The following P2RX3 variants were observed in gnomAD, a reference collection of about 807,000 sequenced individuals.
P2RX3 encodes the protein P2X purinoceptor 3.
Under a neutral mutation model 51.5 loss-of-function variants are expected in P2RX3, and 41 were observed. That is an observed-to-expected ratio of 0.80 (90% CI 0.62 to 1.03). P2RX3 has a LOEUF of 1.03. P2RX3 is among the 50% of genes least tolerant of loss of function. P2RX3 has a pLI of 0.00. For synonymous variants in P2RX3, 185 were observed against 191.6 expected, an observed-to-expected ratio of 0.97 and a Z score of 0.29; for missense variants, 459 against 522.1, an observed-to-expected ratio of 0.88 and a Z score of 1.18.
chr11:57,344,821 G>A (rs538365737), intron 1 of P2RX3, among the ~76,000 whole-genome samples: 5 of 152,180 alleles, frequency 3.3e-5, no homozygotes, highest in Non-Finnish European at 7.4e-5. Context: ...ACTGAAAACC[G>A]AACGAAGAGC....
At chr11:57,360,806 AG>A (rs200712317) in intron 8 of P2RX3, among the ~76,000 whole-genome samples, 211 of 147,440 alleles carry the variant, frequency 1.4e-3, no homozygotes, top group African/African-American at 4.6e-3. Context: ...AAAAAAAAAA[AG>A]AAAAAAAGAA....
At chr11:57,353,291 C>T (rs569935578) in intron 8 of P2RX3, among the ~76,000 whole-genome samples, 32 of 152,326 alleles carry the variant, frequency 2.1e-4, no homozygotes, top group African/African-American at 7.2e-4. Flanking sequence ...GTGTGCAAAA[C>T]GTTTTGTGTG....
At position 57,350,775 on chromosome 11, in the gene P2RX3, G is replaced by T. The variant is rs1265080398; in HGVS notation, c.719G>T (p.Gly240Val). ...AKLARTGGVL[G>V]IKIGWVCDLD... ...CCGTTTCTTCAGGGGGGAGTTCTGG[G>T]CATTAAGATCGGCTGGGTGTGCGAC... is the stretch of plus-strand genomic sequence containing the variant. Residue 240 changes from glycine (G) to valine (V), a missense_variant, in exon 8 of 12, where the codon GGC (glycine) becomes GTC (valine). By Grantham distance (109) the Gly-to-Val change is moderately radical (BLOSUM62 -3). Transcript: ENST00000263314. 6.2e-7 allele frequency: 1 copy of T among 1,613,914 alleles called. No homozygotes were observed. The highest frequency in any genetic ancestry group is 1.3e-5 in the African/African-American group (1 of 74,944).
chr11:57,368,273 C>A, intron 9 of P2RX3, 99 bp from the exon 10 acceptor site: 1 of 1,399,338 alleles, frequency 7.1e-7, no homozygotes, highest in Non-Finnish European at 1.0e-6. Flanking sequence ...GAGGGATCTG[C>A]TGATCCACCA....
At chr11:57,363,696 G>A (rs940613868) in intron 8 of P2RX3, among the ~76,000 whole-genome samples, 1 of 152,212 alleles carries the variant, frequency 6.6e-6, no homozygotes, top group Non-Finnish European at 1.5e-5. Context: ...AGACCCTGGT[G>A]ACCAATGAGC....
chr11:57,358,876 C>A (rs1301116454), intron 8 of P2RX3, among the ~76,000 whole-genome samples: 3 of 152,142 alleles, frequency 2.0e-5, no homozygotes, highest in Admixed American at 6.6e-5. Context: ...CACAAGGGAG[C>A]GCACGCACAC....
intron 8 of P2RX3, among the ~76,000 whole-genome samples, chr11:57,353,415 A>C (rs1856578047): frequency 6.6e-6 from 1 of 152,230 alleles, no homozygotes. Flanking sequence ...AAAGTCACAA[A>C]GCAAGCAAGA....
At chr11:57,346,430 C>T (rs560622684) in intron 1 of P2RX3, 114 bp from the exon 2 acceptor site, 40 of 1,337,916 alleles carry the variant, frequency 3.0e-5, no homozygotes, top group Admixed American at 1.2e-4. Context: ...AGGAACCATC[C>T]GCACACCCTG....
chr11:57,363,948 A>G (rs1259194278), intron 8 of P2RX3, among the ~76,000 whole-genome samples: 1 of 152,200 alleles, frequency 6.6e-6, no homozygotes, highest in Non-Finnish European at 1.5e-5. Flanking sequence ...GTGCTGGAGA[A>G]AAACCAAGTC....
intron 8 of P2RX3, among the ~76,000 whole-genome samples, chr11:57,363,325 A>G (rs190485944): frequency 7.2e-4 from 110 of 152,344 alleles, no homozygotes; most frequent in Admixed American, 2.4e-3. Flanking sequence ...GCTAGTTGCT[A>G]TAACAAACAA....
chr11:57,365,778 G>C (rs1175176349), intron 8 of P2RX3, among the ~76,000 whole-genome samples: 2 of 152,170 alleles, frequency 1.3e-5, no homozygotes, highest in Non-Finnish European at 2.9e-5. Flanking sequence ...CTGCCAGATG[G>C]CAGCCAGAGC....
chr11:57,344,859 A>G (rs1856403628), intron 1 of P2RX3, among the ~76,000 whole-genome samples: 1 of 151,994 alleles, frequency 6.6e-6, no homozygotes, highest in South Asian at 2.1e-4. Context: ...TGGGGTTTGC[A>G]GTAAATAGGA....
chr11:57,347,385 T>G lies in P2RX3; in HGVS notation c.328-30T>G, dbSNP rs369381392. On this transcript the variant is annotated intron_variant, in intron 3 of 11. Transcript: ENST00000263314. ...AGCTCACCAGGCCAGGACAGTGTCC[T>G]TCACCAACCTGTGACCCGTCTGCCC... 13 of 1,554,658 alleles carry G rather than the reference T, an allele frequency of 8.4e-6. No individual in the cohort carries two copies. In the African/African-American group the frequency reaches 1.6e-4, roughly 20 times the overall value.
At chr11:57,341,034 T>C (rs893865770) in intron 1 of P2RX3, among the ~76,000 whole-genome samples, 1 of 152,116 alleles carries the variant, frequency 6.6e-6, no homozygotes, top group African/African-American at 2.4e-5. Context: ...AGCTTTTGTT[T>C]TTACAGGAGA....
At chr11:57,341,031 GT>G (rs1361614503) in intron 1 of P2RX3, among the ~76,000 whole-genome samples, 2 of 152,152 alleles carry the variant, frequency 1.3e-5, no homozygotes, top group Non-Finnish European at 2.9e-5. Flanking sequence ...GAGAGCTTTT[GT>G]TTTTACAGGA....
At chr11:57,347,554 G>A (rs1431712014) in intron 4 of P2RX3, 76 bp downstream of exon 4, 2 of 1,471,968 alleles carry the variant, frequency 1.4e-6, no homozygotes, top group Non-Finnish European at 1.9e-6. Flanking sequence ...TCGTTGGAGA[G>A]GGAGTGGGAA....
chr11:57,345,819 C>G (rs1328097421), intron 1 of P2RX3, among the ~76,000 whole-genome samples: 3 of 152,126 alleles, frequency 2.0e-5, no homozygotes. Context: ...TAAATGACCA[C>G]TGGGTGGCAG....
rs991528148 is a variant in P2RX3, at chr11:57,372,368, C to G, written c.*2371C>G. Among the ~76,000 whole-genome samples, 1 of 152,130 alleles carries G rather than the reference C, an allele frequency of 6.6e-6. No homozygotes were observed. The highest frequency in any genetic ancestry group is 2.4e-5 in the African/African-American group (1 of 41,418). On this transcript the variant is annotated 3_prime_UTR_variant, in exon 12 of 12. Coordinates refer to ENST00000263314, the MANE Select transcript of P2RX3 (RefSeq NM_002559.5). ...CACTTTACAGAAGAAGAAACAGATG[C>G]ATACTAAAATAAAGAAACTGAAATA...
Position 57,338,372 on chromosome 11 carries a change from A to T in P2RX3, c.-179A>T, listed in dbSNP as rs998824609. 2 of 477,728 alleles carry T rather than the reference A, an allele frequency of 4.2e-6. No individual in the cohort carries two copies. Among genetic ancestry groups the T allele is most frequent in the African/African-American group, 3.8e-5 (2 of 52,236 alleles). The allele number at this position is 477,728 out of a possible 1,614,324, so 29.6% of individuals were successfully genotyped here. On this transcript the variant is annotated 5_prime_UTR_variant, in exon 1 of 12. Coordinates refer to ENST00000263314, the MANE Select transcript of P2RX3 (RefSeq NM_002559.5). Reference sequence around the variant, plus strand: ...GTCCTGGCCTCTTGGAAGCCAGAGTATCAAGAGCAGAGAATCTCACTAGGA... The same window carrying T: ...GTCCTGGCCTCTTGGAAGCCAGAGTTTCAAGAGCAGAGAATCTCACTAGGA...
Sources: gnomAD v4.1 joint callset for allele counts (sites outside exome capture counted in the v4.1 genomes callset) on GRCh38, gnomAD v4.1.1 for gene constraint, MANE v1.5 for transcripts, NCBI Gene and HGNC (gene_info 2026-07-23, HGNC 2026-07-21) for gene names.